HECA: variants seen among roughly 807,000 people sequenced by gnomAD.
HECA encodes HECA ribonucleoprotein granule regulator, also known as headcase protein homolog.
In HECA, 13 loss-of-function variants were observed where a neutral mutation model predicts 37.6. That is an observed-to-expected ratio of 0.35 (90% CI 0.23 to 0.55). HECA has a LOEUF of 0.55. Ranked by LOEUF, HECA falls within the 20% of genes least tolerant of loss-of-function variation. The probability of loss-of-function intolerance (pLI) is 0.90; values close to 1 mark genes in which losing one functional copy is unlikely to be tolerated. For missense variants in HECA, 527 were observed against 701.9 expected (o/e 0.75, Z 2.82); for synonymous variants, 307 against 291.5 (o/e 1.05, Z -0.54).
At chr6:139,142,039 G>T (rs1163799096) in intron 1 of HECA, among the ~76,000 whole-genome samples, 1 of 148,060 alleles carries the variant, frequency 6.8e-6, no homozygotes, top group Non-Finnish European at 1.5e-5. Context: ...CCATTCTCCT[G>T]CCTCAGCCTC....
intron 1 of HECA, among the ~76,000 whole-genome samples, chr6:139,136,536 T>C (rs1220780421): frequency 1.3e-5 from 2 of 152,128 alleles, no homozygotes; most frequent in African/African-American, 2.4e-5. Context: ...GAAGACAACG[T>C]AGGTATTTTA....
intron 3 of HECA, among the ~76,000 whole-genome samples, chr6:139,175,656 A>G (rs556636718): frequency 1.3e-5 from 2 of 152,314 alleles, no homozygotes; most frequent in Middle Eastern, 3.4e-3. Context: ...TCCTCATACA[A>G]TGGAGGCCTA....
intron 1 of HECA, among the ~76,000 whole-genome samples, chr6:139,141,724 C>T (rs1202276763): frequency 6.7e-6 from 1 of 150,070 alleles, no homozygotes; most frequent in African/African-American, 2.5e-5. Flanking sequence ...TAATCCCGTT[C>T]ATGAGAGCCC....
rs921830131 is a variant in HECA at position 139,137,924 on chromosome 6, A to G, written c.271+2257A>G. Among the ~76,000 whole-genome samples, 5 of 152,158 alleles carry G rather than the reference A, an allele frequency of 3.3e-5. No individual in the cohort carries two copies. In the East Asian group the frequency reaches 9.6e-4, roughly 29 times the overall value. On this transcript the variant is annotated intron_variant, in intron 1 of 3. Transcript: ENST00000367658. ...GAAAAAGGAATGGGCCAACATTCCCATAGTCAGGGTCAGAGGATGTAACTT... is the reference window on the plus strand; with the variant it reads ...GAAAAAGGAATGGGCCAACATTCCCGTAGTCAGGGTCAGAGGATGTAACTT...
At chr6:139,142,472 T>C (rs1774527225) in intron 1 of HECA, among the ~76,000 whole-genome samples, 1 of 152,140 alleles carries the variant, frequency 6.6e-6, no homozygotes, top group Non-Finnish European at 1.5e-5. Flanking sequence ...CTTTTCCCCA[T>C]GGTCTCATCA....
At position 139,176,563 on chromosome 6, in the gene HECA, G is replaced by C. The variant is rs909506914; in HGVS notation, c.1468-378G>C. The stretch of plus-strand genomic sequence containing the variant: ...ATTTTATTTTTACATCAAAGAAAAC[G>C]CAACTTTTCTATAGAGTAGAATGAA... On this transcript the variant is annotated intron_variant, in intron 3 of 3. Transcript: ENST00000367658. This position sits in a 1 kb window ranked among gnomAD's most constrained non-coding sequence, Gnocchi z 4.5. 6.6e-6 allele frequency among the ~76,000 whole-genome samples: 1 copy of C among 152,114 alleles called. No individual in the cohort carries two copies. Among genetic ancestry groups the C allele is most frequent in the Non-Finnish European group, 1.5e-5 (1 of 68,012 alleles).
At chr6:139,142,052 G>A (rs2327922) in intron 1 of HECA, among the ~76,000 whole-genome samples, 99,533 of 149,236 alleles carry the variant, frequency 0.67, 33,888 homozygotes, top group African/African-American at 0.79. Flanking sequence ...TCAGCCTCCC[G>A]AGTAGCTGGG....
chr6:139,135,874 C>CG (rs1434259513), intron 1 of HECA, among the ~76,000 whole-genome samples: 3 of 151,588 alleles, frequency 2.0e-5, no homozygotes, highest in African/African-American at 4.8e-5. Context: ...GGTGTCCGCG[C>CG]GGGGGGCAGC....
chr6:139,156,781 C>G (rs1480494673), intron 1 of HECA, among the ~76,000 whole-genome samples: 1 of 152,190 alleles, frequency 6.6e-6, no homozygotes, highest in African/African-American at 2.4e-5. Context: ...ATAATCTGTT[C>G]TGAATTATGT....
chr6:139,135,176 C>A lies in HECA; in HGVS notation c.-221C>A, dbSNP rs1774413657. ...CGGGCCCGCGGCGCCCGCGCGGCTGCGAGCCTCGGGTGGCCGCGTGCCGGC... is the reference window on the plus strand; with the variant it reads ...CGGGCCCGCGGCGCCCGCGCGGCTGAGAGCCTCGGGTGGCCGCGTGCCGGC... On this transcript the variant is annotated 5_prime_UTR_variant, in exon 1 of 4. Coordinates refer to ENST00000367658, the MANE Select transcript of HECA (RefSeq NM_016217.3). The A allele has an allele frequency of 4.6e-6, 1 of 218,334 alleles. No individual in the cohort carries two copies. The highest frequency in any genetic ancestry group is 8.5e-6 in the Non-Finnish European group (1 of 117,990). 13.5% of individuals were successfully genotyped at this position (218,334 alleles called of 1,614,324 possible).
intron 1 of HECA, among the ~76,000 whole-genome samples, chr6:139,150,494 G>A (rs1386966897): frequency 6.7e-6 from 1 of 149,748 alleles, no homozygotes; most frequent in Non-Finnish European, 1.5e-5. Context: ...AAAAGAAATA[G>A]ATGATAAAAA....
intron 1 of HECA, among the ~76,000 whole-genome samples, chr6:139,141,753 C>CTTCTTT (rs772152302): frequency 3.8e-5 from 3 of 78,176 alleles, no homozygotes; most frequent in Non-Finnish European, 5.5e-5. Context: ...TAAACACCTT[C>CTTCTTT]TTTTTTTTTT....
chr6:139,172,563 G>A (rs1375570670), intron 2 of HECA, among the ~76,000 whole-genome samples: 1 of 152,206 alleles, frequency 6.6e-6, no homozygotes, highest in East Asian at 1.9e-4. Flanking sequence ...AACCACATGT[G>A]ATTGTTCTCT....
intron 1 of HECA, among the ~76,000 whole-genome samples, chr6:139,163,554 A>G (rs1350086711): frequency 6.6e-6 from 1 of 151,986 alleles, no homozygotes; most frequent in Non-Finnish European, 1.5e-5. Flanking sequence ...GGGTTTCATC[A>G]TGTTGGCCAG....
intron 1 of HECA, among the ~76,000 whole-genome samples, chr6:139,145,515 T>C (rs935429057): frequency 2.0e-5 from 3 of 152,226 alleles, no homozygotes; most frequent in Non-Finnish European, 2.9e-5. Context: ...AAAGTTAGCA[T>C]TGTTCTCATA....
At chr6:139,149,385 G>A (rs1454828545) in intron 1 of HECA, among the ~76,000 whole-genome samples, 1 of 152,176 alleles carries the variant, frequency 6.6e-6, no homozygotes, top group Non-Finnish European at 1.5e-5. Context: ...TGTTTGTGAC[G>A]AGCTCTTTTT....
intron 1 of HECA, among the ~76,000 whole-genome samples, chr6:139,137,008 GTCGCCTGT>G: frequency 6.6e-6 from 1 of 152,224 alleles, no homozygotes; most frequent in East Asian, 1.9e-4. Flanking sequence ...GCGGCTGAAT[GTCGCCTGT>G]TAGAACTGTA....
rs1391947550 is a variant in HECA at position 139,166,693 on chromosome 6, C to T, written c.681C>T (p.Pro227=). ...CGGAGGAGGCAAAAAAGTGCAGGCC[C>T]CCAAATAAGCCCCAGAAAGGCCCAA... ...EAAEEAKKCR[P]PNKPQKGPSH... Residue 227 remains proline, a synonymous_variant, in exon 2 of 4, where the codon CCC becomes CCT. Transcript: ENST00000367658. The T allele has an allele frequency of 1.2e-6, 2 of 1,612,850 alleles. No individual in the cohort carries two copies. The highest frequency in any genetic ancestry group is 2.2e-5 in the East Asian group (1 of 44,844).
rs769729277 is a variant in HECA, at chr6:139,167,088, A to G, written c.1076A>G (p.His359Arg). Residue 359 changes from histidine to arginine, a missense_variant, in exon 2 of 4, where the codon CAT (histidine) becomes CGT (arginine). His to Arg is a conservative substitution (Grantham distance 29). Transcript: ENST00000367658. Reference protein sequence around the residue: ...LSELLTHIPRHKLNTFHVRME... With the variant: ...LSELLTHIPRRKLNTFHVRME... ...GAACTCCTCACTCACATCCCCAGGC[A>G]TAAGCTGAACACTTTCCACGTGCGC... 1 of 1,614,214 alleles carries G rather than the reference A, an allele frequency of 6.2e-7. No individual in the cohort carries two copies. Among genetic ancestry groups the G allele is most frequent in the Non-Finnish European group, 8.5e-7 (1 of 1,180,046 alleles).
Sources: allele counts gnomAD v4.1 joint callset (sites outside exome capture counted in the v4.1 genomes callset), GRCh38; gene constraint gnomAD v4.1.1; non-coding constraint Gnocchi (gnomAD v3.1); transcripts MANE v1.5; gene names NCBI Gene and HGNC (gene_info 2026-07-23, HGNC 2026-07-21).